The following DNAJC3 variants were observed in gnomAD, a reference collection of about 807,000 sequenced individuals.
DNAJC3 encodes DnaJ heat shock protein family (Hsp40) member C3, also known as dnaJ homolog subfamily C member 3.
In DNAJC3, 38 loss-of-function variants were observed where a neutral mutation model predicts 68.6. The observed-to-expected ratio is 0.55, with a 90% CI of 0.43 to 0.73. The LOEUF is 0.73. Among genes scored for constraint, DNAJC3 ranks in the 30% least tolerant of loss-of-function variants. The probability of loss-of-function intolerance (pLI) is 0.00; values close to 1 mark genes in which losing one functional copy is unlikely to be tolerated. For missense variants in DNAJC3, 526 were observed against 591.9 expected (o/e 0.89, Z 1.16); for synonymous variants, 203 against 204.0 (o/e 1.00, Z 0.04).
intron 1 of DNAJC3, chr13:95,693,358 C>G (rs1362529354): frequency 6.6e-6 from 1 of 152,178 alleles, no homozygotes; most frequent in African/African-American, 2.4e-5. Flanking sequence ...TGAGCCCTTT[C>G]TAGTACTCTT....
chr13:95,772,567 G>A (rs1348709978), intron 9 of DNAJC3, among the ~76,000 whole-genome samples: 4 of 152,094 alleles, frequency 2.6e-5, no homozygotes, highest in Admixed American at 2.6e-4. Context: ...ATCCATTTTG[G>A]TGTGTGTTAG....
Position 95,760,664 on chromosome 13 carries a change from T to C in DNAJC3, c.729-15T>C. 2 of 1,591,490 alleles carry C rather than the reference T, an allele frequency of 1.3e-6. No homozygotes were observed. The highest frequency in any genetic ancestry group is 8.5e-7 in the Non-Finnish European group (1 of 1,171,768). ...TTTGACATGGAGTATTTTCCTTTTT[T>C]AAATACATGAACAGTGAAGTTCGGG... On this transcript the variant is annotated splice_polypyrimidine_tract_variant and intron_variant, in intron 6 of 11. Transcript: ENST00000602402.
chr13:95,728,461 T>G (rs188583403), intron 4 of DNAJC3, among the ~76,000 whole-genome samples: 80 of 152,364 alleles, frequency 5.3e-4, no homozygotes, highest in African/African-American at 1.9e-3. Flanking sequence ...ATTTGCCATC[T>G]GTAAATCCTT....
At chr13:95,755,281 T>C (rs1882617569) in intron 4 of DNAJC3, among the ~76,000 whole-genome samples, 1 of 152,062 alleles carries the variant, frequency 6.6e-6, no homozygotes, top group African/African-American at 2.4e-5. Context: ...CAACCCTGTC[T>C]CTACAAAAAA....
At chr13:95,738,721 G>A (rs1276610280) in intron 4 of DNAJC3, among the ~76,000 whole-genome samples, 3 of 152,092 alleles carry the variant, frequency 2.0e-5, no homozygotes, top group Admixed American at 6.6e-5. Context: ...GTGTGTCTCT[G>A]CACGTGAGAT....
At chr13:95,789,316 A>T (rs1566519832) in intron 11 of DNAJC3, among the ~76,000 whole-genome samples, 1 of 151,408 alleles carries the variant, frequency 6.6e-6, no homozygotes, top group Non-Finnish European at 1.5e-5. Context: ...CCCACCCTTC[A>T]CCCTCCAATA....
At chr13:95,765,810 G>A (rs1031804735) in intron 9 of DNAJC3, among the ~76,000 whole-genome samples, 2 of 152,044 alleles carry the variant, frequency 1.3e-5, no homozygotes, top group African/African-American at 4.8e-5. Flanking sequence ...GACCTCAGGT[G>A]ATCTGCCTGC....
intron 4 of DNAJC3, among the ~76,000 whole-genome samples, chr13:95,740,275 C>T (rs1237870336): frequency 6.6e-6 from 1 of 152,238 alleles, no homozygotes; most frequent in South Asian, 2.1e-4. Context: ...TTTGTCTGTG[C>T]CCTGCTCCCA....
chr13:95,732,055 T>C (rs1473819699), intron 4 of DNAJC3, among the ~76,000 whole-genome samples: 1 of 152,170 alleles, frequency 6.6e-6, no homozygotes, highest in South Asian at 2.1e-4. Context: ...CTTACCTTTT[T>C]GTCAAGCTAT....
At chr13:95,707,641 C>T (rs748377394) in intron 1 of DNAJC3, among the ~76,000 whole-genome samples, 1 of 152,050 alleles carries the variant, frequency 6.6e-6, no homozygotes, top group Non-Finnish European at 1.5e-5. Flanking sequence ...ACTCATGGTC[C>T]GTTGAGGAGA....
chr13:95,729,287 T>C (rs1224797192), intron 4 of DNAJC3, among the ~76,000 whole-genome samples: 894 of 75,066 alleles, frequency 0.012, 24 homozygotes, highest in African/African-American at 0.047. Flanking sequence ...TCCCCCTCCC[T>C]CTCCTTCTCC....
intron 11 of DNAJC3, 127 bp from the exon 12 acceptor site, chr13:95,790,745 CA>C: frequency 9.2e-7 from 1 of 1,081,924 alleles, no homozygotes; most frequent in Non-Finnish European, 1.3e-6. Context: ...ATGTCAGGCA[CA>C]ACTCTTGATA....
intron 9 of DNAJC3, among the ~76,000 whole-genome samples, chr13:95,783,616 C>G (rs995234002): frequency 2.0e-5 from 3 of 152,146 alleles, no homozygotes; most frequent in African/African-American, 7.2e-5. Context: ...TAATGATGCA[C>G]TGATGCGAGA....
At chr13:95,695,016 A>T (rs994934624) in intron 1 of DNAJC3, 2 of 152,346 alleles carry the variant, frequency 1.3e-5, no homozygotes, top group Admixed American at 6.5e-5. Flanking sequence ...TTACAAATCT[A>T]TTATCAGCCA....
At chr13:95,765,409 T>TAAA (rs531346540) in intron 9 of DNAJC3, among the ~76,000 whole-genome samples, 5 of 138,850 alleles carry the variant, frequency 3.6e-5, no homozygotes, top group African/African-American at 1.3e-4. Context: ...GCTTAGCTGT[T>TAAA]AAAAAAAAAA....
intron 2 of DNAJC3, among the ~76,000 whole-genome samples, chr13:95,722,638 C>A: frequency 6.6e-6 from 1 of 151,298 alleles, no homozygotes; most frequent in East Asian, 1.9e-4. Flanking sequence ...ATTAGCCAGC[C>A]GTGGTGGAAT....
At chr13:95,710,006 T>C (rs1412838215) in intron 2 of DNAJC3, among the ~76,000 whole-genome samples, 1 of 152,208 alleles carries the variant, frequency 6.6e-6, no homozygotes, top group Non-Finnish European at 1.5e-5. Context: ...GGGTTTTCAA[T>C]ATGTTCACTT....
chr13:95,732,827 C>T (rs940718173), intron 4 of DNAJC3, among the ~76,000 whole-genome samples: 6 of 151,692 alleles, frequency 4.0e-5, no homozygotes, highest in Non-Finnish European at 7.4e-5. Flanking sequence ...CTTAGCACTG[C>T]TTTGGCTGTA....
chr13:95,728,026 T>G (rs552120448), intron 4 of DNAJC3, among the ~76,000 whole-genome samples: 1 of 152,230 alleles, frequency 6.6e-6, no homozygotes, highest in Non-Finnish European at 1.5e-5. Flanking sequence ...CTTTTAGAAT[T>G]GACTCTTTTT....
Sources: gnomAD v4.1 joint callset for allele counts (sites outside exome capture counted in the v4.1 genomes callset) on GRCh38, gnomAD v4.1.1 for gene constraint, MANE v1.5 for transcripts, NCBI Gene and HGNC (gene_info 2026-07-23, HGNC 2026-07-21) for gene names.